The following DSN1 variants were observed in gnomAD, a reference collection of about 807,000 sequenced individuals.
The protein encoded by DSN1 is DSN1 component of MIS12 kinetochore complex.
Under a neutral mutation model 45.7 loss-of-function variants are expected in DSN1, and 31 were observed. That is an observed-to-expected ratio of 0.68 (90% CI 0.51 to 0.92). The LOEUF is 0.92. Among genes scored for constraint, DSN1 ranks in the 40% least tolerant of loss-of-function variants. The probability of loss-of-function intolerance (pLI) is 0.00; values close to 1 mark genes in which losing one functional copy is unlikely to be tolerated. For missense variants in DSN1, 394 were observed against 414.2 expected (o/e 0.95, Z 0.42); for synonymous variants, 134 against 142.3 (o/e 0.94, Z 0.41).
intron 10 of DSN1, 55 bp downstream of exon 10, chr20:36,754,708 A>G: frequency 6.7e-7 from 1 of 1,501,900 alleles, no homozygotes; most frequent in Non-Finnish European, 9.3e-7. Context: ...TTTGTATCCC[A>G]AAGGCTATCA....
At chr20:36,757,504 G>A (rs183373261) in intron 8 of DSN1, among the ~76,000 whole-genome samples, 7 of 152,088 alleles carry the variant, frequency 4.6e-5, no homozygotes, top group African/African-American at 1.2e-4. Context: ...GCTTGAACCC[G>A]GGAGGCAGAG....
In DSN1 at chr20:36,762,540, G is replaced by C. The variant is rs1568693465; in HGVS notation, c.511C>G (p.Leu171Val). 6.2e-7 allele frequency: 1 copy of C among 1,613,548 alleles called. No individual in the cohort carries two copies. Among genetic ancestry groups the C allele is most frequent in the Non-Finnish European group, 8.5e-7 (1 of 1,179,786 alleles). ...GCAAAATGTTTCAATTCTTCAGAAA[G>C]AGAAGATGCTAGACAGCACAAATTT... ...LESFRAKASS[L>V]SEELKHFADG... The change falls in exon 6 of 11, where the codon CTT becomes GTT. Residue 171 changes from leucine to valine, a missense_variant. By Grantham distance (32) the Leu-to-Val change is conservative (BLOSUM62 1). Transcript: ENST00000373750.
rs1176784994 is a variant in DSN1, at chr20:36,754,750, G to A, written c.961+13C>T. ...ACAGCCTGAACTCTGGTCCCCTCAA[G>A]AGACAAGCTTACCGAGCTGTACTGA... On this transcript the variant is annotated intron_variant, in intron 10 of 10. Coordinates refer to ENST00000373750, the MANE Select transcript of DSN1 (RefSeq NM_001145315.2). The A allele has an allele frequency of 1.2e-6, 2 of 1,612,488 alleles. No individual in the cohort carries two copies. The highest frequency in any genetic ancestry group is 3.3e-5 in the Admixed American group (2 of 59,952).
intron 6 of DSN1, 24 bp downstream of exon 6, chr20:36,762,437 G>A (rs1480262868): frequency 6.2e-7 from 1 of 1,604,370 alleles, no homozygotes; most frequent in Non-Finnish European, 8.5e-7. Flanking sequence ...TCATAATTTA[G>A]GACAGAAGGG....
chr20:36,767,368 T>A lies in DSN1; in HGVS notation c.430-527A>T, dbSNP rs139690162. ...GACTTTTTGTTGCTTGGACTACAGA[T>A]TTTGACTTTCGGTTCAGGAAAAAAA... On this transcript the variant is annotated intron_variant, in intron 4 of 10. Transcript: ENST00000373750. Among the ~76,000 whole-genome samples the A allele has an allele frequency of 2.0e-5, 3 of 151,814 alleles. No individual in the cohort carries two copies. The East Asian group carries it at 5.8e-4, about 29-fold the overall frequency.
At chr20:36,754,483 A>T (rs1020087525) in intron 10 of DSN1, among the ~76,000 whole-genome samples, 5 of 152,142 alleles carry the variant, frequency 3.3e-5, no homozygotes, top group African/African-American at 1.2e-4. Context: ...AAGAGGGAAA[A>T]AGCAATGGGT....
At chr20:36,758,211 G>C (rs1350460859) in intron 7 of DSN1, 50 bp from the exon 8 acceptor site, 1 of 1,511,458 alleles carries the variant, frequency 6.6e-7, no homozygotes, top group African/African-American at 1.4e-5. Flanking sequence ...ATCTTATTCT[G>C]AATCACTCAC....
intron 6 of DSN1, among the ~76,000 whole-genome samples, chr20:36,762,131 G>C (rs1438580046): frequency 1.7e-5 from 2 of 116,484 alleles, no homozygotes; most frequent in Non-Finnish European, 3.3e-5. Flanking sequence ...TTGTGAGACA[G>C]AGTCTCTCTC....
intron 3 of DSN1, 28 bp downstream of exon 3, chr20:36,770,845 T>C: frequency 6.3e-7 from 1 of 1,577,836 alleles, no homozygotes. Flanking sequence ...AGCTGGAACC[T>C]CACTGTCTTG....
At position 36,770,892 on chromosome 20, in the gene DSN1, G is replaced by T; in HGVS notation, c.336C>A (p.Pro112=). Residue 112 remains proline, a synonymous_variant, in exon 3 of 11, where the codon CCC becomes CCA. Coordinates refer to ENST00000373750, the MANE Select transcript of DSN1 (RefSeq NM_001145315.2). ...CCCCACCTGTGATGCCCTGGTGAAT[G>T]GGATGCAGCGACTTCCGCCGGTTCG... is the stretch of plus-strand genomic sequence containing the variant. ...KETNRRKSLH[P]IHQGITELSR... is the part of the protein sequence containing the mutation. 1 of 1,611,662 alleles carries T rather than the reference G, an allele frequency of 6.2e-7. No individual in the cohort carries two copies. The highest frequency in any genetic ancestry group is 2.2e-5 in the East Asian group (1 of 44,894).
intron 10 of DSN1, among the ~76,000 whole-genome samples, chr20:36,753,404 A>G (rs756303529): frequency 7.3e-5 from 11 of 151,624 alleles, no homozygotes; most frequent in Admixed American, 1.3e-4. Flanking sequence ...TTGGAAAGCC[A>G]ACATGGGCAG....
rs1178007490 is a variant in DSN1 at position 36,762,510 on chromosome 20, C to G, written c.541G>C (p.Gly181Arg). ...LSEELKHFADGLETDGTLQKC... is the reference protein window; with the variant it reads ...LSEELKHFADRLETDGTLQKC... ...TGTAGAGTTCCATCAGTTTCCAGTC[C>G]GTCTGCAAAATGTTTCAATTCTTCA... The change falls in exon 6 of 11, where the codon GGA becomes CGA. Residue 181 changes from glycine (G) to arginine (R), a missense_variant. Physicochemically the swap from Gly to Arg is moderately radical, Grantham distance 125 (BLOSUM62 -2). Coordinates refer to ENST00000373750, the MANE Select transcript of DSN1 (RefSeq NM_001145315.2). The G allele has an allele frequency of 6.2e-7, 1 of 1,613,682 alleles. No homozygotes were observed. The highest frequency in any genetic ancestry group is 1.1e-5 in the South Asian group (1 of 91,040).
chr20:36,755,878 G>T, intron 8 of DSN1, 49 bp from the exon 9 acceptor site: 1 of 1,579,970 alleles, frequency 6.3e-7, no homozygotes, highest in South Asian at 1.1e-5. Flanking sequence ...ATTATTTTCT[G>T]GAAGAGATAC....
intron 5 of DSN1, among the ~76,000 whole-genome samples, chr20:36,764,728 C>CT (rs1987218903): frequency 6.6e-6 from 1 of 152,090 alleles, no homozygotes; most frequent in African/African-American, 2.4e-5. Context: ...TGAGACCAGC[C>CT]TGGCCAACAT....
chr20:36,764,407 G>T (rs1987199972), intron 5 of DSN1, among the ~76,000 whole-genome samples: 1 of 152,110 alleles, frequency 6.6e-6, no homozygotes, highest in Non-Finnish European at 1.5e-5. Flanking sequence ...ATTTTAACTG[G>T]CAAGTAAGCC....
intron 5 of DSN1, 133 bp downstream of exon 5, chr20:36,766,636 G>T (rs1434957849): frequency 5.6e-5 from 44 of 787,360 alleles, no homozygotes; most frequent in Non-Finnish European, 9.2e-5. Context: ...GTCTGGGCAA[G>T]AGTGAGACTC....
chr20:36,752,894 T>C lies in DSN1; in HGVS notation c.965A>G (p.Lys322Arg), dbSNP rs753349407. The change falls in exon 11 of 11, where the codon AAG (lysine) becomes AGG (arginine). Residue 322 changes from lysine to arginine, a missense_variant. Coordinates refer to ENST00000373750, the MANE Select transcript of DSN1 (RefSeq NM_001145315.2). ...GGGATCTAATTGTTGCATGCTTCTC[T>C]TTCCTGCAGAGAAAAGAGGCCAAAA... The part of the protein sequence containing the change: ...CFQKVSVQLG[K>R]RSMQQLDPSP... 11 of 1,613,394 alleles carry C rather than the reference T, an allele frequency of 6.8e-6. No individual in the cohort carries two copies. In the South Asian group the frequency reaches 1.2e-4, roughly 18 times the overall value.
chr20:36,771,454 G>A lies in DSN1; in HGVS notation c.5C>T (p.Thr2Ile). Residue 2 changes from threonine (T) to isoleucine (I), a missense_variant, in exon 2 of 11, where the codon ACT (threonine) becomes ATT (isoleucine). Coordinates refer to ENST00000373750, the MANE Select transcript of DSN1 (RefSeq NM_001145315.2). ...TATGATCTCTGATCTAGTCACTGAAGTCATCCTAGGTGGTAAACTCTGAAA... is the reference window on the plus strand; with the variant it reads ...TATGATCTCTGATCTAGTCACTGAAATCATCCTAGGTGGTAAACTCTGAAA... M[T>I]SVTRSEIIDE... The A allele has an allele frequency of 1.2e-6, 2 of 1,613,430 alleles. No individual in the cohort carries two copies. The highest frequency in any genetic ancestry group is 1.7e-6 in the Non-Finnish European group (2 of 1,179,604).
At chr20:36,763,908 A>G (rs1316848870) in intron 5 of DSN1, among the ~76,000 whole-genome samples, 2 of 149,674 alleles carry the variant, frequency 1.3e-5, no homozygotes, top group East Asian at 1.9e-4. Context: ...AAAAAAAAAA[A>G]AAAGAAAGAC....
Sources: gnomAD v4.1 joint callset for allele counts (sites outside exome capture counted in the v4.1 genomes callset) on GRCh38, gnomAD v4.1.1 for gene constraint, MANE v1.5 for transcripts, NCBI Gene and HGNC (gene_info 2026-07-23, HGNC 2026-07-21) for gene names.